Variants in GABRB1 observed in about 807,000 individuals in gnomAD.
GABRB1 encodes the protein gamma-aminobutyric acid receptor subunit beta-1.
Under a neutral mutation model 51.6 loss-of-function variants are expected in GABRB1, and 17 were observed. That is an observed-to-expected ratio of 0.33 (90% CI 0.23 to 0.49). The LOEUF (loss-of-function observed/expected upper bound fraction) is 0.49. Among genes scored for constraint, GABRB1 ranks in the 20% least tolerant of loss-of-function variants. GABRB1 has a pLI of 0.99. For synonymous variants in GABRB1, 247 were observed against 218.9 expected, an observed-to-expected ratio of 1.13 and a Z score of -1.14; for missense variants, 410 against 600.6, an observed-to-expected ratio of 0.68 and a Z score of 3.32.
At chr4:47,392,296 G>A (rs1728025040) in intron 5 of GABRB1, among the ~76,000 whole-genome samples, 1 of 151,290 alleles carries the variant, frequency 6.6e-6, no homozygotes, top group Non-Finnish European at 1.5e-5. Flanking sequence ...GCACTACCAT[G>A]CTGCAAGAGC....
At chr4:47,157,398 C>T (rs180845894) in intron 3 of GABRB1, among the ~76,000 whole-genome samples, 41 of 152,172 alleles carry the variant, frequency 2.7e-4, no homozygotes, top group African/African-American at 9.4e-4. Context: ...AATTTAGAGG[C>T]TTTCTTTTCT....
chr4:47,271,704 C>T (rs1254494398), intron 4 of GABRB1, among the ~76,000 whole-genome samples: 1 of 152,102 alleles, frequency 6.6e-6, no homozygotes, highest in Non-Finnish European at 1.5e-5. Context: ...GATATATCAT[C>T]AGTAACGTTT....
chr4:47,334,524 A>G (rs1451674216), intron 5 of GABRB1, among the ~76,000 whole-genome samples: 3 of 152,210 alleles, frequency 2.0e-5, no homozygotes, highest in Non-Finnish European at 4.4e-5. Context: ...CCAGAAATAT[A>G]GTATCATTAA....
At chr4:47,022,651 C>T (rs1462017433) in intron 1 of GABRB1, among the ~76,000 whole-genome samples, 6 of 151,986 alleles carry the variant, frequency 3.9e-5, no homozygotes, top group Non-Finnish European at 8.8e-5. Context: ...CAGGCAATAA[C>T]AAACGCTGAT....
At position 47,406,833 on chromosome 4, in the gene GABRB1, C is replaced by T. The variant is rs115114447; in HGVS notation, c.987C>T (p.Tyr329=). The T allele has an allele frequency of 3.0e-3, 4,914 of 1,614,138 alleles. 140 individuals carry two copies. In the African/African-American group the frequency reaches 0.059, roughly 19 times the overall value. Residue 329 remains tyrosine, a synonymous_variant, in exon 8 of 9, where the codon TAC becomes TAT. Transcript: ENST00000295454. The part of the protein sequence containing the change: ...LALLEYAFVN[Y]IFFGKGPQKK... ...TGCTGGAGTATGCCTTTGTAAATTACATCTTCTTTGGGAAAGGCCCTCAGA... is the reference window on the plus strand; with the variant it reads ...TGCTGGAGTATGCCTTTGTAAATTATATCTTCTTTGGGAAAGGCCCTCAGA...
chr4:47,082,621 A>G (rs1045272102), intron 3 of GABRB1, among the ~76,000 whole-genome samples: 1 of 152,082 alleles, frequency 6.6e-6, no homozygotes, highest in Non-Finnish European at 1.5e-5. Flanking sequence ...TGGGCTGGAA[A>G]TCTATGGTCT....
chr4:47,030,585 T>G (rs1725257219), upstream of GABRB1, among the ~76,000 whole-genome samples: 1 of 152,184 alleles, frequency 6.6e-6, no homozygotes, highest in Non-Finnish European at 1.5e-5. Flanking sequence ...AAATTTAATA[T>G]ATACTATTTA....
At chr4:47,047,869 A>T (rs1222246141) in intron 3 of GABRB1, among the ~76,000 whole-genome samples, 1 of 152,142 alleles carries the variant, frequency 6.6e-6, no homozygotes, top group Non-Finnish European at 1.5e-5. Flanking sequence ...TTGAGAAGGA[A>T]ATGAAGTTTA....
chr4:47,408,312 C>G (rs115159930), intron 8 of GABRB1, among the ~76,000 whole-genome samples: 4,945 of 152,218 alleles, frequency 0.032, 287 homozygotes, highest in African/African-American at 0.11. Context: ...TGTTTAAATA[C>G]TGAGAGAAGA....
intron 3 of GABRB1, among the ~76,000 whole-genome samples, chr4:47,068,726 A>G (rs967456861): frequency 2.0e-5 from 3 of 152,210 alleles, no homozygotes; most frequent in Non-Finnish European, 4.4e-5. Context: ...CTGATCACAG[A>G]TCACATAACA....
chr4:47,245,648 A>G (rs889097677), intron 4 of GABRB1, among the ~76,000 whole-genome samples: 7 of 152,106 alleles, frequency 4.6e-5, no homozygotes, highest in African/African-American at 1.7e-4. Flanking sequence ...GTGCTTGAAG[A>G]AAAGTAAACC....
rs754419160 is a variant in GABRB1 at position 47,031,776 on chromosome 4, T to TC, written c.80+45_80+46insC. The TC allele has an allele frequency of 1.8e-4, 271 of 1,541,682 alleles. No homozygotes were observed. In the African/African-American group the frequency reaches 3.5e-3, roughly 20 times the overall value. On this transcript the variant is annotated intron_variant, in intron 1 of 8. Transcript: ENST00000295454. ...TCTCGCTCTCTCTCTCTCTCTCTCT[T>TC]TTTTTCTTGGTATGTTTCTTTTTAC...
intron 5 of GABRB1, among the ~76,000 whole-genome samples, chr4:47,390,326 T>A (rs1454820417): frequency 1.3e-5 from 2 of 152,226 alleles, no homozygotes; most frequent in Non-Finnish European, 2.9e-5. Context: ...ATAAACTTAT[T>A]TCTGCCCACC....
At chr4:47,117,840 G>T (rs1048265019) in intron 3 of GABRB1, among the ~76,000 whole-genome samples, 1 of 152,160 alleles carries the variant, frequency 6.6e-6, no homozygotes, top group Admixed American at 6.6e-5. Context: ...ACATAGGATT[G>T]TTGCGATAAT....
intron 7 of GABRB1, 43 bp from the exon 8 acceptor site, chr4:47,406,639 A>C: frequency 6.2e-7 from 1 of 1,611,710 alleles, no homozygotes; most frequent in Non-Finnish European, 8.5e-7. Flanking sequence ...AAAGGAACTT[A>C]ATAGTGGCAC....
intron 5 of GABRB1, among the ~76,000 whole-genome samples, chr4:47,324,718 G>A (rs886902075): frequency 3.9e-5 from 6 of 152,194 alleles, no homozygotes; most frequent in Non-Finnish European, 7.3e-5. Context: ...CCAGATTGAT[G>A]TACTAGCACT....
At chr4:47,262,073 C>A (rs1722462292) in intron 4 of GABRB1, among the ~76,000 whole-genome samples, 1 of 151,324 alleles carries the variant, frequency 6.6e-6, no homozygotes, top group South Asian at 2.1e-4. Context: ...AATGTTAGAC[C>A]TAAAACCATA....
chr4:47,358,095 A>C (rs1726653633), intron 5 of GABRB1, among the ~76,000 whole-genome samples: 1 of 152,130 alleles, frequency 6.6e-6, no homozygotes, highest in African/African-American at 2.4e-5. Context: ...GGCTTGCTTA[A>C]AGACACATTC....
At chr4:47,276,969 G>C (rs1053612298) in intron 4 of GABRB1, among the ~76,000 whole-genome samples, 1 of 152,028 alleles carries the variant, frequency 6.6e-6, no homozygotes, top group Non-Finnish European at 1.5e-5. Flanking sequence ...TCCTAACCTG[G>C]TATCTAGGAT....
Sources: allele counts gnomAD v4.1 joint callset (sites outside exome capture counted in the v4.1 genomes callset), GRCh38; gene constraint gnomAD v4.1.1; transcripts MANE v1.5; gene names NCBI Gene and HGNC (gene_info 2026-07-23, HGNC 2026-07-21).